The following CFAP97 variants were observed in gnomAD, a reference collection of about 807,000 sequenced individuals.
The protein encoded by CFAP97 is cilia- and flagella-associated protein 97.
CFAP97 carries 36 observed loss-of-function variants against 43.1 expected under a neutral mutation model. The ratio of observed to expected loss-of-function variants is 0.84; its 90% CI spans 0.64 to 1.10. The LOEUF is 1.10. Ranked by LOEUF, CFAP97 falls within the 50% of genes least tolerant of loss-of-function variation. The pLI is 0.00. For synonymous variants in CFAP97, 228 were observed against 225.7 expected (o/e 1.01, Z -0.09); for missense variants, 657 against 620.3 (o/e 1.06, Z -0.63).
chr4:185,168,958 C>G (rs1001912350), intron 3 of CFAP97: 2 of 151,422 alleles, frequency 1.3e-5, no homozygotes, highest in Non-Finnish European at 2.9e-5. Flanking sequence ...TGTATATTAA[C>G]GTAAACAACT....
In CFAP97 at chr4:185,162,677, C is replaced by A; in HGVS notation, c.*121G>T. The A allele has an allele frequency of 2.9e-6, 3 of 1,030,854 alleles. No individual in the cohort carries two copies. The highest frequency in any genetic ancestry group is 4.3e-6 in the Non-Finnish European group (3 of 703,078). 63.9% of individuals were successfully genotyped at this position (1,030,854 alleles called of 1,614,324 possible). A position where few individuals can be genotyped will look rare whatever the true frequency, so the allele number is the denominator to read the frequency against. On this transcript the variant is annotated 3_prime_UTR_variant, in exon 5 of 5. Coordinates refer to ENST00000458385, the MANE Select transcript of CFAP97 (RefSeq NM_020827.3). Reference sequence around the variant, plus strand: ...CACTGAATAACAATACATTACAACTCACTGTTGTACACCTTCAATTGCTAA... The same window carrying A: ...CACTGAATAACAATACATTACAACTAACTGTTGTACACCTTCAATTGCTAA...
At chr4:185,169,969 A>G (rs575731512) in intron 3 of CFAP97, 9 of 1,044,582 alleles carry the variant, frequency 8.6e-6, no homozygotes, top group Non-Finnish European at 1.0e-5. Context: ...ATTAATATTC[A>G]TAGTAGGTAT....
upstream of CFAP97, chr4:185,204,045 G>A (rs561603336): frequency 1.3e-5 from 2 of 150,714 alleles, no homozygotes; most frequent in African/African-American, 4.8e-5. Context: ...GGCGCTTCGG[G>A]AGAGGCGGGG....
chr4:185,189,703 T>C lies in CFAP97; in HGVS notation c.1054+440A>G, dbSNP rs538929196. ...TAAAAGTCTGAAGAGTCCTCTTTAG[T>C]TTACTCTGAGTTCTCTCATTTGCCA... is the stretch of plus-strand genomic sequence containing the variant. On this transcript the variant is annotated intron_variant, in intron 2 of 4. Coordinates refer to ENST00000458385, the MANE Select transcript of CFAP97 (RefSeq NM_020827.3). 4.6e-5 allele frequency among the ~76,000 whole-genome samples: 7 copies of C among 152,350 alleles called. No individual in the cohort carries two copies. The East Asian group carries it at 1.3e-3, about 29-fold the overall frequency.
chr4:185,172,048 T>G (rs1735326760), intron 3 of CFAP97, among the ~76,000 whole-genome samples: 1 of 152,214 alleles, frequency 6.6e-6, no homozygotes, highest in Non-Finnish European at 1.5e-5. Context: ...CTAAAAATAA[T>G]ATTTCAGAAT....
In CFAP97 at chr4:185,191,054, G is replaced by T. The variant is rs116632163; in HGVS notation, c.143C>A (p.Thr48Lys). The T allele has an allele frequency of 0.028, 45,398 of 1,612,744 alleles. 727 individuals carry two copies. Among genetic ancestry groups the T allele is most frequent in the Non-Finnish European group, 0.033 (39,370 of 1,179,284 alleles). ...DDPKERIDKD[T>K]KNVNSNTGMQ... Reference sequence around the variant, plus strand: ...TCCAGTGTTCGAATTTACATTTTTTGTATCTTTATCTATTCTTTCCTTTGG... The same window carrying T: ...TCCAGTGTTCGAATTTACATTTTTTTTATCTTTATCTATTCTTTCCTTTGG... Residue 48 changes from threonine to lysine, a missense_variant, in exon 2 of 5, where the codon ACA becomes AAA. Coordinates refer to ENST00000458385, the MANE Select transcript of CFAP97 (RefSeq NM_020827.3).
intron 3 of CFAP97, chr4:185,170,102 C>T: frequency 8.5e-7 from 1 of 1,174,984 alleles, no homozygotes; most frequent in Non-Finnish European, 1.1e-6. Flanking sequence ...AATCCTTGCT[C>T]TTTGGGAAGC....
intron 2 of CFAP97, among the ~76,000 whole-genome samples, chr4:185,183,561 T>C (rs974728662): frequency 6.6e-6 from 1 of 152,252 alleles, no homozygotes; most frequent in Admixed American, 6.5e-5. Context: ...TGCAGTTATA[T>C]GGTGGAAAAT....
intron 2 of CFAP97, chr4:185,182,629 T>C (rs886528367): frequency 2.0e-5 from 3 of 152,260 alleles, no homozygotes; most frequent in Non-Finnish European, 4.4e-5. Context: ...GTCTTGTTTG[T>C]GATCATGTCG....
Position 185,191,081 on chromosome 4 carries a change from T to C in CFAP97, c.116A>G (p.Asp39Gly). ...TNSVFDKQND[D>G]PKERIDKDTK... Reference sequence around the variant, plus strand: ...ATCTTTATCTATTCTTTCCTTTGGGTCATCATTTTGCTTGTCAAAAACTGA... The same window carrying C: ...ATCTTTATCTATTCTTTCCTTTGGGCCATCATTTTGCTTGTCAAAAACTGA... The change falls in exon 2 of 5, where the codon GAC (aspartate) becomes GGC (glycine). Residue 39 changes from aspartate (D) to glycine (G), a missense_variant. By Grantham distance (94) the Asp-to-Gly change is moderately conservative (BLOSUM62 -1). Coordinates refer to ENST00000458385, the MANE Select transcript of CFAP97 (RefSeq NM_020827.3). 1 of 1,613,006 alleles carries C rather than the reference T, an allele frequency of 6.2e-7. No individual in the cohort carries two copies. Among genetic ancestry groups the C allele is most frequent in the Non-Finnish European group, 8.5e-7 (1 of 1,179,594 alleles).
chr4:185,196,230 T>A (rs887691545), intron 1 of CFAP97, among the ~76,000 whole-genome samples: 2 of 152,126 alleles, frequency 1.3e-5, no homozygotes, highest in African/African-American at 4.8e-5. Flanking sequence ...TCCCAGCACT[T>A]TGGGAGGCCG....
chr4:185,170,220 C>T, intron 3 of CFAP97: 2 of 625,598 alleles, frequency 3.2e-6, no homozygotes, highest in African/African-American at 1.9e-5. Flanking sequence ...GTGGTGTAAG[C>T]CTGTAGTTCC....
chr4:185,190,539 T>C lies in CFAP97; in HGVS notation c.658A>G (p.Lys220Glu). Residue 220 changes from lysine (K) to glutamate (E), a missense_variant, in exon 2 of 5, where the codon AAA (lysine) becomes GAA (glutamate). Transcript: ENST00000458385. ...TTTATTCCTGATTTATACTTGTGTT[T>C]TGGTGACAGGAGGGTTATACCAGAT... ...HVSGITLLSP[K>E]HKYKSGIKST... 6.2e-7 allele frequency: 1 copy of C among 1,613,940 alleles called. No homozygotes were observed. The highest frequency in any genetic ancestry group is 8.5e-7 in the Non-Finnish European group (1 of 1,179,862).
intron 1 of CFAP97, among the ~76,000 whole-genome samples, chr4:185,203,232 A>C (rs542576785): frequency 6.6e-6 from 1 of 152,324 alleles, no homozygotes; most frequent in South Asian, 2.1e-4. Flanking sequence ...GAGACAGGTA[A>C]GTTTTTATCA....
At chr4:185,180,626 T>A (rs1407885329) in intron 2 of CFAP97, among the ~76,000 whole-genome samples, 1 of 152,158 alleles carries the variant, frequency 6.6e-6, no homozygotes, top group Admixed American at 6.5e-5. Flanking sequence ...TGTATTTTTT[T>A]TAATATGCTC....
At chr4:185,194,715 T>C (rs559726164) in intron 1 of CFAP97, among the ~76,000 whole-genome samples, 1 of 152,272 alleles carries the variant, frequency 6.6e-6, no homozygotes, top group South Asian at 2.1e-4. Flanking sequence ...ATTTAGATGA[T>C]GTATGAACAT....
At chr4:185,192,618 TG>T (rs1439297918) in intron 1 of CFAP97, among the ~76,000 whole-genome samples, 3 of 109,600 alleles carry the variant, frequency 2.7e-5, no homozygotes, top group East Asian at 3.1e-4. Context: ...CTTTAAAAAA[TG>T]GTTTTTTTTA....
chr4:185,207,876 T>C (rs967701528), upstream of CFAP97: 7 of 152,224 alleles, frequency 4.6e-5, no homozygotes, highest in Non-Finnish European at 8.8e-5. Context: ...TATGGTGAGC[T>C]AGGGCTAAAA....
At chr4:185,167,795 GA>G (rs1735126472) in intron 3 of CFAP97, among the ~76,000 whole-genome samples, 1 of 151,648 alleles carries the variant, frequency 6.6e-6, no homozygotes, top group Admixed American at 6.6e-5. Flanking sequence ...AGGAGTTCGA[GA>G]CCAGCCTGGC....
Sources: gnomAD v4.1 joint callset for allele counts (sites outside exome capture counted in the v4.1 genomes callset) on GRCh38, gnomAD v4.1.1 for gene constraint, MANE v1.5 for transcripts, NCBI Gene and HGNC (gene_info 2026-07-23, HGNC 2026-07-21) for gene names.